Variants in SH3BGR observed in about 807,000 individuals in gnomAD.
SH3BGR encodes SH3 domain binding glutamate rich protein.
In SH3BGR, 29 loss-of-function variants were observed where a neutral mutation model predicts 24.5. The ratio of observed to expected loss-of-function variants is 1.18; its 90% CI spans 0.88 to 1.61. The LOEUF (loss-of-function observed/expected upper bound fraction) is 1.61. SH3BGR is among the 40% of genes most tolerant of loss of function. The probability of loss-of-function intolerance (pLI) is 0.00; values close to 1 mark genes in which losing one functional copy is unlikely to be tolerated. For synonymous variants in SH3BGR, 55 were observed against 65.7 expected, an observed-to-expected ratio of 0.84 and a Z score of 0.79; for missense variants, 162 against 205.8, an observed-to-expected ratio of 0.79 and a Z score of 1.30.
chr21:39,499,463 A>G (rs1162176796), intron 3 of SH3BGR, among the ~76,000 whole-genome samples: 1 of 151,998 alleles, frequency 6.6e-6, no homozygotes, highest in Non-Finnish European at 1.5e-5. Context: ...TACCTTATCT[A>G]TCTTCTTAAT....
intron 3 of SH3BGR, chr21:39,488,674 C>A: frequency 2.6e-6 from 1 of 380,924 alleles, no homozygotes; most frequent in Non-Finnish European, 5.2e-6. Flanking sequence ...CGCTGAAATC[C>A]GGCAAGTCCT....
intron 1 of SH3BGR, among the ~76,000 whole-genome samples, chr21:39,453,402 TA>T (rs113987122): frequency 0.18 from 27,417 of 152,104 alleles, 2,603 homozygotes; most frequent in Middle Eastern, 0.27. Context: ...GGCTATTGGA[TA>T]AAAAAATTTT....
chr21:39,479,238 GTGGTGGTGGTGGTGGTGGTGA>G (rs1190953217), intron 3 of SH3BGR, among the ~76,000 whole-genome samples: 40 of 144,596 alleles, frequency 2.8e-4, no homozygotes, highest in African/African-American at 1.0e-3. Flanking sequence ...GGTGGTGGTG[GTGGTGGTGGTGGTGGTGGTGA>G]TGGTAGTGCT....
At chr21:39,447,357 T>G (rs990085571), upstream of SH3BGR, among the ~76,000 whole-genome samples, 17 of 152,116 alleles carry the variant, frequency 1.1e-4, no homozygotes, top group Non-Finnish European at 2.4e-4. Flanking sequence ...TTTCCCAGTC[T>G]GTAGACATGA....
intron 2 of SH3BGR, among the ~76,000 whole-genome samples, chr21:39,474,219 G>A (rs976119557): frequency 1.1e-4 from 16 of 152,092 alleles, no homozygotes; most frequent in African/African-American, 3.6e-4. Flanking sequence ...TCCCACCTTG[G>A]CCTCCCGAAG....
At chr21:39,482,870 A>G (rs1369682642) in intron 3 of SH3BGR, among the ~76,000 whole-genome samples, 1 of 152,120 alleles carries the variant, frequency 6.6e-6, no homozygotes. Context: ...AGGTTTCACC[A>G]TGTTGGCCAG....
intron 4 of SH3BGR, among the ~76,000 whole-genome samples, chr21:39,504,025 G>A (rs1187338039): frequency 6.6e-6 from 1 of 152,232 alleles, no homozygotes; most frequent in African/African-American, 2.4e-5. Context: ...ATGAACTGCA[G>A]ACTGGGACAT....
Position 39,511,772 on chromosome 21 carries a change from C to T in SH3BGR, c.528C>T (p.Ser176=), listed in dbSNP as rs919554835. The T allele has an allele frequency of 8.1e-6, 13 of 1,610,218 alleles. No individual in the cohort carries two copies. The highest frequency in any genetic ancestry group is 1.7e-5 in the Admixed American group (1 of 58,844). ...EGEEPGEDED[S] The stretch of plus-strand genomic sequence containing the variant: ...AAGAGCCTGGAGAAGACGAAGATTC[C>T]TAGGCCTTTTCATGCTTCATTTCTT... Residue 176 remains serine (S), a synonymous_variant, in exon 6 of 7, where the codon TCC becomes TCT. Coordinates refer to ENST00000333634, the MANE Select transcript of SH3BGR (RefSeq NM_007341.3). This position sits in a 1 kb window ranked among gnomAD's most constrained non-coding sequence, Gnocchi z 4.2.
intron 4 of SH3BGR, among the ~76,000 whole-genome samples, chr21:39,504,889 A>C (rs1161737506): frequency 6.6e-6 from 1 of 152,136 alleles, no homozygotes; most frequent in Non-Finnish European, 1.5e-5. Context: ...GCTGGAGTGC[A>C]TTGGCATAAT....
At chr21:39,488,636 A>G in intron 3 of SH3BGR, 1 of 338,130 alleles carries the variant, frequency 3.0e-6, no homozygotes, top group Admixed American at 3.2e-5. Context: ...TGGGTGTTTG[A>G]CAAGGAAGAG....
chr21:39,474,747 G>A (rs996807902), intron 2 of SH3BGR, among the ~76,000 whole-genome samples: 4 of 152,154 alleles, frequency 2.6e-5, no homozygotes, highest in African/African-American at 9.7e-5. Context: ...AGTATGGACA[G>A]CCTGTATCAT....
chr21:39,468,279 A>G (rs2077876876), intron 2 of SH3BGR, among the ~76,000 whole-genome samples: 1 of 152,232 alleles, frequency 6.6e-6, no homozygotes, highest in South Asian at 2.1e-4. Flanking sequence ...TTATTCTGAA[A>G]TATGCCGTAT....
At chr21:39,467,858 A>G (rs755505575) in intron 2 of SH3BGR, among the ~76,000 whole-genome samples, 10 of 152,204 alleles carry the variant, frequency 6.6e-5, no homozygotes, top group African/African-American at 9.7e-5. Flanking sequence ...CTGCTACTCT[A>G]TGCAGAGCAA....
chr21:39,447,605 G>C (rs966911641), upstream of SH3BGR, among the ~76,000 whole-genome samples: 7 of 151,952 alleles, frequency 4.6e-5, no homozygotes, highest in African/African-American at 1.7e-4. Flanking sequence ...TTTTAGTAGA[G>C]ATGGGGTTTT....
intron 1 of SH3BGR, among the ~76,000 whole-genome samples, chr21:39,456,808 C>G (rs2148450436): frequency 6.6e-6 from 1 of 152,166 alleles, no homozygotes; most frequent in East Asian, 1.9e-4. Flanking sequence ...CCGTGCTTGC[C>G]CCAAACTGCA....
At chr21:39,462,724 A>G (rs748411781) in intron 2 of SH3BGR, among the ~76,000 whole-genome samples, 164 bp downstream of exon 2, 1 of 152,218 alleles carries the variant, frequency 6.6e-6, no homozygotes, top group Non-Finnish European at 1.5e-5. Flanking sequence ...TGAATAATCA[A>G]TATTTAAGAT....
intron 1 of SH3BGR, among the ~76,000 whole-genome samples, chr21:39,457,317 A>G (rs9636959): frequency 0.14 from 19,249 of 141,318 alleles, 1,592 homozygotes; most frequent in South Asian, 0.18. Flanking sequence ...TATAAATCTT[A>G]TTATATATAA....
rs78313529 is a variant in SH3BGR, at chr21:39,469,011, G to GTTTT, written c.232-6111_232-6108dup. ...GTTTCTATAAATTCTAAGATGTCTA[G>GTTTT]TTTTTTTTTTTTTTTTGAATCAGGG... is the stretch of plus-strand genomic sequence containing the variant. On this transcript the variant is annotated intron_variant, in intron 2 of 6. Coordinates refer to ENST00000333634, the MANE Select transcript of SH3BGR (RefSeq NM_007341.3). Among the ~76,000 whole-genome samples, 79 of 134,406 alleles carry GTTTT rather than the reference G, an allele frequency of 5.9e-4. 2 individuals carry two copies. The highest frequency in any genetic ancestry group is 2.9e-4 in the Non-Finnish European group (18 of 61,326). 88.2% of individuals were successfully genotyped at this position (134,406 alleles called of 152,430 possible). A position where few individuals can be genotyped will look rare whatever the true frequency, so the allele number is the denominator to read the frequency against.
intron 1 of SH3BGR, among the ~76,000 whole-genome samples, chr21:39,455,908 T>C (rs2077647599): frequency 6.6e-6 from 1 of 152,194 alleles, no homozygotes; most frequent in Non-Finnish European, 1.5e-5. Flanking sequence ...GGATGAGGGC[T>C]GAGAAATGGC....
Sources: allele counts gnomAD v4.1 joint callset (sites outside exome capture counted in the v4.1 genomes callset), GRCh38; gene constraint gnomAD v4.1.1; non-coding constraint Gnocchi (gnomAD v3.1); transcripts MANE v1.5; gene names NCBI Gene and HGNC (gene_info 2026-07-23, HGNC 2026-07-21).